ACIN1: variants seen among roughly 807,000 people sequenced by gnomAD.
ACIN1 encodes apoptotic chromatin condensation inducer in the nucleus.
ACIN1 carries 16 observed loss-of-function variants against 146.6 expected under a neutral mutation model. The observed-to-expected ratio is 0.11, with a 90% CI of 0.07 to 0.17. The LOEUF (loss-of-function observed/expected upper bound fraction) is 0.17. Ranked by LOEUF, ACIN1 falls within the 10% of genes least tolerant of loss-of-function variation. ACIN1 has a pLI of 1.00. For synonymous variants in ACIN1, 569 were observed against 582.7 expected (o/e 0.98, Z 0.34); for missense variants, 1,357 against 1,609.3 (o/e 0.84, Z 2.68).
In ACIN1 at chr14:23,067,385, T is replaced by C; in HGVS notation, c.2266-1377A>G. On this transcript the variant is annotated intron_variant, in intron 9 of 18. Transcript: ENST00000605057. This position sits in a 1 kb window ranked among gnomAD's most constrained non-coding sequence, Gnocchi z 4.6. ...TAGTCAACCGCCGGTCCAATCAGAATGAGCCCTCCCTGCTAGGCGCTGTGC... is the reference window on the plus strand; with the variant it reads ...TAGTCAACCGCCGGTCCAATCAGAACGAGCCCTCCCTGCTAGGCGCTGTGC... 1.0e-6 allele frequency: 1 copy of C among 985,550 alleles called. No homozygotes were observed. The highest frequency in any genetic ancestry group is 1.2e-6 in the Non-Finnish European group (1 of 829,940). The allele number at this position is 985,550 out of a possible 1,614,324, so 61.1% of individuals were successfully genotyped here. A position where few individuals can be genotyped will look rare whatever the true frequency, so the allele number is the denominator to read the frequency against.
rs2047916596 is a variant in ACIN1 at position 23,080,516 on chromosome 14, C to T, written c.819G>A (p.Gln273=). Reference sequence around the variant, plus strand: ...ATCTCCCTCCTCTCTCTAACACCTCCTGTTCCTGGGATCTTGTTTTGGGTC... The same window carrying T: ...ATCTCCCTCCTCTCTCTAACACCTCTTGTTCCTGGGATCTTGTTTTGGGTC... ...DERPKTRSQE[Q]EVLERGGRFT... is the part of the protein sequence containing the mutation. The change falls in exon 6 of 19, where the codon CAG becomes CAA. Residue 273 remains glutamine (Q), a synonymous_variant. Transcript: ENST00000605057. 6.2e-7 allele frequency: 1 copy of T among 1,614,038 alleles called. No homozygotes were observed.
Position 23,067,807 on chromosome 14 carries a change from A to C in ACIN1, c.2265+1669T>G. 1 of 985,858 alleles carries C rather than the reference A, an allele frequency of 1.0e-6. No individual in the cohort carries two copies. The allele number at this position is 985,858 out of a possible 1,614,324, so 61.1% of individuals were successfully genotyped here. ...CAGAGTCCCTTTCTCCTCTGCCTGT[A>C]ACTGGGGAGGGGGTCCTCTCACCGA... is the stretch of plus-strand genomic sequence containing the variant. On this transcript the variant is annotated intron_variant, in intron 9 of 18. Transcript: ENST00000605057. This position sits in a 1 kb window ranked among gnomAD's most constrained non-coding sequence, Gnocchi z 4.6.
intron 4 of ACIN1, among the ~76,000 whole-genome samples, chr14:23,087,057 A>G (rs1009379723): frequency 6.6e-6 from 1 of 152,230 alleles, no homozygotes; most frequent in African/African-American, 2.4e-5. Context: ...AGGTGCCAGT[A>G]GCGTTTAGAA....
chr14:23,072,205 T>C (rs1240221676), intron 8 of ACIN1, among the ~76,000 whole-genome samples: 1 of 152,168 alleles, frequency 6.6e-6, no homozygotes, highest in African/African-American at 2.4e-5. Context: ...GGGAGAGTTC[T>C]TTTTTCAAAT....
rs554491780 is a variant in ACIN1, at chr14:23,059,534, T to A, written c.3526-60A>T. The A allele has an allele frequency of 7.4e-5, 104 of 1,406,218 alleles. No individual in the cohort carries two copies. The African/African-American group carries it at 1.2e-3, about 17-fold the overall frequency. 87.1% of individuals were successfully genotyped at this position (1,406,218 alleles called of 1,614,324 possible). ...CTCAGTCCTGGTCACAGCCTCCATTTGTGCCTGGACCCTGCCTCCTAGCTC... is the reference window on the plus strand; with the variant it reads ...CTCAGTCCTGGTCACAGCCTCCATTAGTGCCTGGACCCTGCCTCCTAGCTC... On this transcript the variant is annotated intron_variant, in intron 18 of 18. Coordinates refer to ENST00000605057, the MANE Select transcript of ACIN1 (RefSeq NM_001386863.1).
intron 5 of ACIN1, 152 bp from the exon 6 acceptor site, chr14:23,080,961 T>A: frequency 7.1e-7 from 1 of 1,409,696 alleles, no homozygotes. Flanking sequence ...CAATCATGAC[T>A]AACGTAGCCC....
At chr14:23,094,932 G>A (rs770351368) in intron 1 of ACIN1, 43 bp downstream of exon 1, 4 of 1,538,808 alleles carry the variant, frequency 2.6e-6, no homozygotes, top group East Asian at 2.3e-5. Context: ...CGTCTCTACC[G>A]GGTCCGCTCT....
intron 12 of ACIN1, among the ~76,000 whole-genome samples, chr14:23,063,839 G>T (rs2047366441): frequency 2.0e-5 from 3 of 152,302 alleles, no homozygotes; most frequent in South Asian, 2.1e-4. Flanking sequence ...ATAGTTTGTT[G>T]CAACTACTCA....
intron 5 of ACIN1, 53 bp downstream of exon 5, chr14:23,081,695 A>G: frequency 7.0e-7 from 1 of 1,426,056 alleles, no homozygotes; most frequent in Non-Finnish European, 9.7e-7. Context: ...GAAGAAGAGA[A>G]GATATCCAAA....
At chr14:23,066,958 G>C (rs1325420053) in intron 9 of ACIN1, among the ~76,000 whole-genome samples, 1 of 152,058 alleles carries the variant, frequency 6.6e-6, no homozygotes, top group Non-Finnish European at 1.5e-5. Context: ...GAAAAACTAA[G>C]ACCACTCTAC....
rs145471099 is a variant in ACIN1 at position 23,068,688 on chromosome 14, C to T, written c.2265+788G>A. On this transcript the variant is annotated intron_variant, in intron 9 of 18. Coordinates refer to ENST00000605057, the MANE Select transcript of ACIN1 (RefSeq NM_001386863.1). This position sits in a 1 kb window ranked among gnomAD's most constrained non-coding sequence, Gnocchi z 4.3. ...CATGAGGTACTTGGACAAAGTTTTA[C>T]GGGGAAGAAGGACCTTGTAATAAAT... 75 of 985,738 alleles carry T rather than the reference C, an allele frequency of 7.6e-5. 1 individual carries two copies. The East Asian group carries it at 6.5e-3, about 85-fold the overall frequency. The allele number at this position is 985,738 out of a possible 1,614,324, so 61.1% of individuals were successfully genotyped here.
chr14:23,093,765 T>C (rs959573143), intron 1 of ACIN1, among the ~76,000 whole-genome samples: 3 of 152,236 alleles, frequency 2.0e-5, no homozygotes, highest in Non-Finnish European at 2.9e-5. Context: ...AATGTACAGA[T>C]ATAAAATGCA....
chr14:23,080,660 A>G lies in ACIN1; in HGVS notation c.675T>C (p.Asp225=), dbSNP rs777399847. The G allele has an allele frequency of 6.2e-7, 1 of 1,611,864 alleles. No homozygotes were observed. Among genetic ancestry groups the G allele is most frequent in the South Asian group, 1.1e-5 (1 of 91,012 alleles). The change falls in exon 6 of 19, where the codon GAT becomes GAC. Residue 225 remains aspartate, a synonymous_variant. Transcript: ENST00000605057. ...EEEEEEEEED[D]EEEEGDDEGQ... ...CCTCATCATCACCTTCCTCTTCTTC[A>G]TCATCTTCTTCCTCCTCCTCCTCCT...
chr14:23,062,335 T>C (rs1378927796), intron 15 of ACIN1, 60 bp from the exon 16 acceptor site: 27 of 1,598,566 alleles, frequency 1.7e-5, no homozygotes, highest in Non-Finnish European at 2.2e-5. Context: ...TCCCACGTGC[T>C]GCAACACCCT....
Position 23,078,279 on chromosome 14 carries a change from A to G in ACIN1, c.2008-13T>C. 1 of 1,612,498 alleles carries G rather than the reference A, an allele frequency of 6.2e-7. No individual in the cohort carries two copies. The highest frequency in any genetic ancestry group is 8.5e-7 in the Non-Finnish European group (1 of 1,178,618). ...TCTTTGGGCTCCCCTGTCAGGAGAT[A>G]GCAAAAACGAACAGAGCAAAACATT... On this transcript the variant is annotated splice_polypyrimidine_tract_variant and intron_variant, in intron 7 of 18. Coordinates refer to ENST00000605057, the MANE Select transcript of ACIN1 (RefSeq NM_001386863.1).
rs2047521133 is a variant in ACIN1 at position 23,068,322 on chromosome 14, G to A, written c.2265+1154C>T. 1 of 985,946 alleles carries A rather than the reference G, an allele frequency of 1.0e-6. No individual in the cohort carries two copies. The highest frequency in any genetic ancestry group is 1.2e-6 in the Non-Finnish European group (1 of 829,970). The allele number at this position is 985,946 out of a possible 1,614,324, so 61.1% of individuals were successfully genotyped here. On this transcript the variant is annotated intron_variant, in intron 9 of 18. Coordinates refer to ENST00000605057, the MANE Select transcript of ACIN1 (RefSeq NM_001386863.1). The surrounding 1 kb of genome is among the most constrained non-coding windows in gnomAD (Gnocchi z 4.3). ...CAACCCACAGTCCTCAAAAGGGCAA[G>A]GGCATGTGGGCAGGCGCCCCAGCAC...
In ACIN1 at chr14:23,059,956, G is replaced by GTTTT. The variant is rs397830741; in HGVS notation, c.3526-486_3526-483dup. On this transcript the variant is annotated intron_variant, in intron 18 of 18. Transcript: ENST00000605057. ...AGGCGTGAGCCACCGCGCCCCGCCA[G>GTTTT]TTTTTTTTTTTTTTTTTTTTTGAGA... Among the ~76,000 whole-genome samples the GTTTT allele has an allele frequency of 5.0e-4, 50 of 100,130 alleles. 4 individuals carry two copies. The highest frequency in any genetic ancestry group is 1.2e-3 in the East Asian group (4 of 3,414). 65.7% of individuals were successfully genotyped at this position (100,130 alleles called of 152,430 possible). A position where few individuals can be genotyped will look rare whatever the true frequency, so the allele number is the denominator to read the frequency against.
intron 18 of ACIN1, among the ~76,000 whole-genome samples, chr14:23,059,783 A>G (rs1454035551): frequency 1.3e-5 from 2 of 151,136 alleles, no homozygotes; most frequent in African/African-American, 4.9e-5. Flanking sequence ...CCTGCTGAGC[A>G]GCTGGGACCA....
Position 23,094,617 on chromosome 14 carries a change from C to G in ACIN1, c.138+358G>C, listed in dbSNP as rs148562822. 143 of 1,030,682 alleles carry G rather than the reference C, an allele frequency of 1.4e-4. 1 individual carries two copies. The African/African-American group carries it at 1.4e-3, about 10-fold the overall frequency. 63.8% of individuals were successfully genotyped at this position (1,030,682 alleles called of 1,614,324 possible). ...ACTCCGACCCAGCCCAACTCGCCCC[C>G]CTCAGGCCAGCAACGCCGTAGGTTG... is the stretch of plus-strand genomic sequence containing the variant. On this transcript the variant is annotated intron_variant, in intron 1 of 18. Transcript: ENST00000605057.
Sources: gnomAD v4.1 joint callset for allele counts (sites outside exome capture counted in the v4.1 genomes callset) on GRCh38, gnomAD v4.1.1 for gene constraint, Gnocchi (gnomAD v3.1) non-coding constraint, MANE v1.5 for transcripts, NCBI Gene and HGNC (gene_info 2026-07-23, HGNC 2026-07-21) for gene names.